ABTB3: variants seen among roughly 807,000 people sequenced by gnomAD.
ABTB3 encodes ankyrin repeat- and BTB/POZ domain-containing protein 3.
At chr12:107,413,755 C>T in the ABTB3 span, among the ~76,000 whole-genome samples, 1 of 152,246 alleles carries the variant, frequency 6.6e-6, no homozygotes. Flanking sequence ...AAACTTTTGA[C>T]AGCTCCTGCC....
chr12:107,352,286 TAGAG>T, the ABTB3 span, among the ~76,000 whole-genome samples: 18 of 152,034 alleles, frequency 1.2e-4, no homozygotes, highest in African/African-American at 4.4e-4. Context: ...TGTCCAGACT[TAGAG>T]GGAACAGTTT....
At chr12:107,619,598 C>T in the ABTB3 span, among the ~76,000 whole-genome samples, 1 of 152,134 alleles carries the variant, frequency 6.6e-6, no homozygotes, top group East Asian at 1.9e-4. Context: ...CTTCTTTCCC[C>T]AGTAAGTAGA....
At chr12:107,539,627 C>T in the ABTB3 span, among the ~76,000 whole-genome samples, 3 of 152,170 alleles carry the variant, frequency 2.0e-5, no homozygotes, top group African/African-American at 7.2e-5. Context: ...AGGACTACCC[C>T]TCTCTGTCCC....
At chr12:107,510,097 C>T in the ABTB3 span, among the ~76,000 whole-genome samples, 5 of 152,172 alleles carry the variant, frequency 3.3e-5, no homozygotes, top group Admixed American at 6.5e-5. Context: ...AGCTGGAAGC[C>T]GGTAAGGTGG....
At chr12:107,380,097 G>A in the ABTB3 span, among the ~76,000 whole-genome samples, 889 of 152,250 alleles carry the variant, frequency 5.8e-3, 4 homozygotes, top group Non-Finnish European at 9.8e-3. Flanking sequence ...CTTAACTCCC[G>A]GGGTGCAGTA....
the ABTB3 span, chr12:107,657,704 G>T: frequency 6.2e-7 from 1 of 1,614,192 alleles, no homozygotes; most frequent in Non-Finnish European, 8.5e-7. Context: ...GTCTTCCAAA[G>T]GTTCCGTGGT....
chr12:107,638,063 T>C, the ABTB3 span, among the ~76,000 whole-genome samples: 2 of 152,134 alleles, frequency 1.3e-5, no homozygotes, highest in African/African-American at 4.8e-5. Flanking sequence ...TTTCCCTTTA[T>C]CTGGATCATT....
At chr12:107,435,551 G>A in the ABTB3 span, among the ~76,000 whole-genome samples, 13 of 152,256 alleles carry the variant, frequency 8.5e-5, no homozygotes, top group African/African-American at 2.9e-4. Flanking sequence ...TCTGTCTCAT[G>A]CAGTTGGTGC....
At chr12:107,377,148 C>T in the ABTB3 span, among the ~76,000 whole-genome samples, 2 of 152,226 alleles carry the variant, frequency 1.3e-5, no homozygotes, top group Non-Finnish European at 2.9e-5. Context: ...GCTTCTGGGC[C>T]AAAGTCTCAC....
chr12:107,440,239 G>A, the ABTB3 span, among the ~76,000 whole-genome samples: 1 of 152,306 alleles, frequency 6.6e-6, no homozygotes, highest in East Asian at 1.9e-4. Flanking sequence ...GGTTCTGTGG[G>A]TTCTGTGTCA....
At chr12:107,401,143 T>C in the ABTB3 span, among the ~76,000 whole-genome samples, 2 of 152,230 alleles carry the variant, frequency 1.3e-5, no homozygotes, top group Admixed American at 6.5e-5. Flanking sequence ...GTCTGTACCA[T>C]GTTTCCCAAT....
chr12:107,545,359 A>C, the ABTB3 span, among the ~76,000 whole-genome samples: 1 of 151,558 alleles, frequency 6.6e-6, no homozygotes, highest in East Asian at 1.9e-4. Context: ...CTCATTCCTC[A>C]GCCCCCCTCA....
chr12:107,525,702 G>A, the ABTB3 span, among the ~76,000 whole-genome samples: 1 of 152,196 alleles, frequency 6.6e-6, no homozygotes, highest in Admixed American at 6.5e-5. Flanking sequence ...GACTTCTCCT[G>A]GTAACCCTTG....
chr12:107,529,422 T>C, the ABTB3 span, among the ~76,000 whole-genome samples: 249 of 152,040 alleles, frequency 1.6e-3, no homozygotes, highest in African/African-American at 5.7e-3. Context: ...GAGACGATAA[T>C]CATGATGATG....
chr12:107,463,182 T>G, the ABTB3 span, among the ~76,000 whole-genome samples: 1 of 150,568 alleles, frequency 6.6e-6, no homozygotes, highest in Admixed American at 6.6e-5. Flanking sequence ...GTGGTAGTAA[T>G]GATGGGTGAT....
At chr12:107,372,241 T>C in the ABTB3 span, among the ~76,000 whole-genome samples, 2 of 152,196 alleles carry the variant, frequency 1.3e-5, no homozygotes, top group African/African-American at 4.8e-5. Context: ...GTGTTGAAAT[T>C]GTACTCAGGA....
the ABTB3 span, among the ~76,000 whole-genome samples, chr12:107,499,366 G>A: frequency 6.6e-6 from 1 of 151,300 alleles, no homozygotes; most frequent in South Asian, 2.1e-4. Flanking sequence ...GGGAAGCTGT[G>A]TGTGTGTGTG....
the ABTB3 span, chr12:107,617,228 C>T: frequency 2.5e-6 from 4 of 1,613,524 alleles, no homozygotes; most frequent in African/African-American, 1.3e-5. Flanking sequence ...TCCAGTGCAC[C>T]CTGGCCCTTG....
the ABTB3 span, among the ~76,000 whole-genome samples, chr12:107,519,463 C>T: frequency 6.6e-6 from 1 of 151,964 alleles, no homozygotes; most frequent in Non-Finnish European, 1.5e-5. Flanking sequence ...GCTGGGACTA[C>T]AGGCCACCCA....
Sources: gnomAD v4.1 joint callset for allele counts (sites outside exome capture counted in the v4.1 genomes callset) on GRCh38, gnomAD v4.1.1 for gene constraint, MANE v1.5 for transcripts, NCBI Gene and HGNC (gene_info 2026-07-23, HGNC 2026-07-21) for gene names.